CDH7: variants seen among roughly 807,000 people sequenced by gnomAD.
The protein encoded by CDH7 is cadherin 7, also known as cadherin-7.
In CDH7, 25 loss-of-function variants were observed where a neutral mutation model predicts 71.8. The ratio of observed to expected loss-of-function variants is 0.35; its 90% CI spans 0.25 to 0.49. CDH7 has a LOEUF of 0.49. Among genes scored for constraint, CDH7 ranks in the 20% least tolerant of loss-of-function variants. CDH7 has a pLI of 0.99. For synonymous variants in CDH7, 381 were observed against 363.8 expected (o/e 1.05, Z -0.54); for missense variants, 862 against 974.6 (o/e 0.88, Z 1.54).
intron 2 of CDH7, among the ~76,000 whole-genome samples, chr18:65,783,428 C>G (rs1412913977): frequency 6.6e-6 from 1 of 152,174 alleles, no homozygotes; most frequent in Non-Finnish European, 1.5e-5. Context: ...TGCACATATG[C>G]AACATAGGAG....
At chr18:65,878,128 T>C (rs1170574363) in intron 11 of CDH7, among the ~76,000 whole-genome samples, 1 of 152,190 alleles carries the variant, frequency 6.6e-6, no homozygotes, top group Admixed American at 6.5e-5. Context: ...TTAAATAATA[T>C]GTCCTGTGTG....
chr18:65,829,733 C>T (rs1912267947), intron 6 of CDH7, among the ~76,000 whole-genome samples: 2 of 150,646 alleles, frequency 1.3e-5, no homozygotes, highest in South Asian at 4.2e-4. Context: ...AGAAGAAGCA[C>T]AGCGCCTGTA....
intron 2 of CDH7, 86 bp downstream of exon 2, chr18:65,763,138 T>G (rs1000600166): frequency 4.0e-6 from 3 of 741,634 alleles, no homozygotes; most frequent in Non-Finnish European, 3.9e-6. Context: ...TATATAAAAT[T>G]TATTTTTTGC....
intron 5 of CDH7, among the ~76,000 whole-genome samples, chr18:65,822,772 A>G (rs1313715849): frequency 6.6e-6 from 1 of 152,010 alleles, no homozygotes; most frequent in Admixed American, 6.6e-5. Flanking sequence ...TTCTTGTGCA[A>G]ACATTCAGTG....
intron 2 of CDH7, among the ~76,000 whole-genome samples, chr18:65,767,418 A>C (rs906697018): frequency 6.6e-6 from 1 of 152,194 alleles, no homozygotes; most frequent in Non-Finnish European, 1.5e-5. Context: ...GGAAAATTTT[A>C]TGTTAGATAC....
intron 7 of CDH7, among the ~76,000 whole-genome samples, chr18:65,854,406 CAGAT>C (rs1378633768): frequency 6.6e-6 from 1 of 152,032 alleles, no homozygotes; most frequent in African/African-American, 2.4e-5. Context: ...TTTTTCAAAA[CAGAT>C]AGAGTCCTAG....
intron 11 of CDH7, among the ~76,000 whole-genome samples, chr18:65,871,757 GT>G (rs1001951171): frequency 3.9e-5 from 6 of 152,186 alleles, no homozygotes; most frequent in African/African-American, 1.4e-4. Flanking sequence ...AGTAAAGGAA[GT>G]GGTCATAACA....
chr18:65,803,591 T>G (rs2143889959), intron 2 of CDH7: 1 of 152,294 alleles, frequency 6.6e-6, no homozygotes, highest in East Asian at 1.9e-4. Flanking sequence ...TTTGTTTTCA[T>G]CTGTAACATT....
upstream of CDH7, chr18:65,750,906 C>G: frequency 6.6e-6 from 1 of 152,272 alleles, no homozygotes; most frequent in Non-Finnish European, 1.5e-5. Context: ...AGCGGGCCCC[C>G]GGCGCCCGAG....
intron 6 of CDH7, among the ~76,000 whole-genome samples, chr18:65,842,601 T>A (rs1295786141): frequency 6.6e-6 from 1 of 152,000 alleles, no homozygotes; most frequent in Admixed American, 6.6e-5. Flanking sequence ...CAGTATAGTA[T>A]GTGTATATAC....
intron 2 of CDH7, among the ~76,000 whole-genome samples, chr18:65,766,885 TAA>T (rs61611288): frequency 2.3e-3 from 199 of 88,368 alleles, no homozygotes; most frequent in Non-Finnish European, 2.7e-3. Context: ...CTGTCTGACG[TAA>T]AAAAAAAAAA....
chr18:65,873,059 C>A (rs558715262), intron 11 of CDH7, among the ~76,000 whole-genome samples: 1 of 151,932 alleles, frequency 6.6e-6, no homozygotes, highest in African/African-American at 2.4e-5. Flanking sequence ...TGTAAATCAA[C>A]AGGATCAATA....
chr18:65,830,147 CG>C (rs1568208801), intron 6 of CDH7, among the ~76,000 whole-genome samples: 1 of 152,044 alleles, frequency 6.6e-6, no homozygotes, highest in African/African-American at 2.4e-5. Context: ...CAGAAAGAAC[CG>C]GGGCAATTTC....
chr18:65,866,459 A>G (rs1278401002), intron 11 of CDH7: 1 of 151,998 alleles, frequency 6.6e-6, no homozygotes, highest in Admixed American at 6.6e-5. Flanking sequence ...GCTACATGTA[A>G]CATGACGGAT....
intron 7 of CDH7, among the ~76,000 whole-genome samples, chr18:65,850,862 A>G (rs1599050507): frequency 7.1e-6 from 1 of 140,238 alleles, no homozygotes; most frequent in Non-Finnish European, 1.6e-5. Context: ...CCCAGGCTGG[A>G]GTGCAATGGC....
chr18:65,778,693 A>ACGT (rs1568179723), intron 2 of CDH7, among the ~76,000 whole-genome samples: 1 of 150,516 alleles, frequency 6.6e-6, no homozygotes, highest in Non-Finnish European at 1.5e-5. Context: ...TTTCAATGAG[A>ACGT]CGTCAACAGT....
At chr18:65,840,412 T>C (rs1912687517) in intron 6 of CDH7, among the ~76,000 whole-genome samples, 2 of 151,810 alleles carry the variant, frequency 1.3e-5, no homozygotes, top group African/African-American at 4.8e-5. Context: ...CTTTTTTTTT[T>C]AACCCTGGTT....
chr18:65,785,389 T>TA (rs151256537), intron 2 of CDH7, among the ~76,000 whole-genome samples: 253 of 152,238 alleles, frequency 1.7e-3, no homozygotes, highest in African/African-American at 5.9e-3. Context: ...TACAATTTAG[T>TA]AAAAATATGT....
intron 2 of CDH7, among the ~76,000 whole-genome samples, chr18:65,765,681 A>C (rs772901805): frequency 1.3e-5 from 2 of 152,060 alleles, no homozygotes; most frequent in Non-Finnish European, 2.9e-5. Context: ...CAATCTAGCT[A>C]TTTGGGTAAT....
Sources: allele counts gnomAD v4.1 joint callset (sites outside exome capture counted in the v4.1 genomes callset), GRCh38; gene constraint gnomAD v4.1.1; transcripts MANE v1.5; gene names NCBI Gene and HGNC (gene_info 2026-07-23, HGNC 2026-07-21).